The following BPTF variants were observed in gnomAD, a reference collection of about 807,000 sequenced individuals.
BPTF encodes the protein bromodomain PHD finger transcription factor.
A neutral mutation model predicts 292.5 loss-of-function variants in BPTF; 18 were observed. The observed-to-expected ratio is 0.06, with a 90% CI of 0.04 to 0.09. The LOEUF is 0.09. Ranked by LOEUF, BPTF falls within the 10% of genes least tolerant of loss-of-function variation. BPTF has a pLI of 1.00. For missense variants in BPTF, 2,726 were observed against 3,498.7 expected, an observed-to-expected ratio of 0.78 and a Z score of 5.57; for synonymous variants, 1,225 against 1,251.9, an observed-to-expected ratio of 0.98 and a Z score of 0.45.
Position 67,954,073 on chromosome 17 carries a change from A to G in BPTF, c.7927-5468A>G, listed in dbSNP as rs552180636. Among the ~76,000 whole-genome samples, 21 of 132,856 alleles carry G rather than the reference A, an allele frequency of 1.6e-4. No individual in the cohort carries two copies. The South Asian group carries it at 4.4e-3, about 28-fold the overall frequency. The allele number at this position is 132,856 out of a possible 152,430, so 87.2% of individuals were successfully genotyped here. A position where few individuals can be genotyped will look rare whatever the true frequency, so the allele number is the denominator to read the frequency against. ...GCAATCACAGCACACCACAGCTTCC[A>G]CCTACCCAGATCAGTCAGTCCTTCC... On this transcript the variant is annotated intron_variant, in intron 23 of 27. Transcript: ENST00000306378.
intron 12 of BPTF, among the ~76,000 whole-genome samples, chr17:67,919,216 AAT>A (rs200255198): frequency 0.035 from 4,729 of 133,978 alleles, 242 homozygotes; most frequent in African/African-American, 0.13. Flanking sequence ...TAATAATAAT[AAT>A]AAAATATAAT....
intron 23 of BPTF, among the ~76,000 whole-genome samples, chr17:67,949,680 C>T (rs67389128): frequency 1.3e-5 from 2 of 151,130 alleles, no homozygotes; most frequent in African/African-American, 4.9e-5. Flanking sequence ...TATATACACA[C>T]AGACATACAT....
chr17:67,938,257 A>G (rs752551454), intron 18 of BPTF, among the ~76,000 whole-genome samples: 1 of 152,206 alleles, frequency 6.6e-6, no homozygotes, highest in African/African-American at 2.4e-5. Flanking sequence ...ATGGCAATGT[A>G]TCTGTACCAG....
intron 9 of BPTF, among the ~76,000 whole-genome samples, chr17:67,909,270 C>A (rs1209121403): frequency 1.2e-5 from 1 of 82,130 alleles, no homozygotes; most frequent in Non-Finnish European, 2.6e-5. Flanking sequence ...GCACCAGGTC[C>A]CCCCCCCCCT....
chr17:67,879,465 T>G (rs1350044006), intron 4 of BPTF, among the ~76,000 whole-genome samples: 4 of 152,178 alleles, frequency 2.6e-5, no homozygotes, highest in African/African-American at 9.7e-5. Flanking sequence ...TCTTAAATGT[T>G]TGCTGGAGTG....
intron 23 of BPTF, among the ~76,000 whole-genome samples, chr17:67,952,107 G>GAAA (rs1483942250): frequency 1.3e-5 from 2 of 148,220 alleles, no homozygotes; most frequent in Admixed American, 1.4e-4. Context: ...CTTTGAGTTT[G>GAAA]AGACCAGCCT....
chr17:67,954,009 C>T (rs1167627620), intron 23 of BPTF, among the ~76,000 whole-genome samples: 14 of 60,650 alleles, frequency 2.3e-4, no homozygotes, highest in Non-Finnish European at 3.2e-4. Flanking sequence ...TTTTGAGAAG[C>T]AGGGCCTTGT....
chr17:67,904,961 A>G, intron 9 of BPTF, 121 bp downstream of exon 9: 1 of 723,938 alleles, frequency 1.4e-6, no homozygotes, highest in East Asian at 3.0e-5. Flanking sequence ...TTCGTACTGC[A>G]GAATTACTAG....
chr17:67,942,668 G>A (rs1317040033), intron 19 of BPTF, among the ~76,000 whole-genome samples: 1 of 152,084 alleles, frequency 6.6e-6, no homozygotes, highest in Non-Finnish European at 1.5e-5. Flanking sequence ...CAGAATACAT[G>A]GCATAAATAT....
intron 11 of BPTF, among the ~76,000 whole-genome samples, chr17:67,917,065 A>G (rs558367954): frequency 2.0e-5 from 3 of 151,692 alleles, no homozygotes; most frequent in Non-Finnish European, 2.9e-5. Context: ...TCCACACACA[A>G]TGTTTAGAAA....
intron 8 of BPTF, among the ~76,000 whole-genome samples, chr17:67,904,311 T>TA (rs2062037232): frequency 6.6e-6 from 1 of 152,386 alleles, no homozygotes; most frequent in South Asian, 2.1e-4. Flanking sequence ...ATTACAGGCA[T>TA]GAGCCACTGC....
chr17:67,837,316 A>T (rs549536305), intron 1 of BPTF, among the ~76,000 whole-genome samples: 15 of 152,038 alleles, frequency 9.9e-5, no homozygotes, highest in African/African-American at 3.1e-4. Flanking sequence ...CTGGGATTGG[A>T]TTGTTGCATT....
chr17:67,967,776 G>A (rs943606372), intron 26 of BPTF, among the ~76,000 whole-genome samples: 11 of 145,554 alleles, frequency 7.6e-5, no homozygotes, highest in East Asian at 1.9e-4. Flanking sequence ...CTGAGATCAC[G>A]CCACTGCATT....
Position 67,940,434 on chromosome 17 carries a change from G to A in BPTF, c.6260-5G>A. The A allele has an allele frequency of 6.2e-7, 1 of 1,613,720 alleles. No homozygotes were observed. The highest frequency in any genetic ancestry group is 1.3e-5 in the African/African-American group (1 of 75,002). On this transcript the variant is annotated splice_region_variant and splice_polypyrimidine_tract_variant and intron_variant, in intron 18 of 27. Transcript: ENST00000306378. ...AGCATTCATAATGTTTTGCTGTTTGGGTAGGTGCTCCTCAGCAAGTGATGA... is the reference window on the plus strand; with the variant it reads ...AGCATTCATAATGTTTTGCTGTTTGAGTAGGTGCTCCTCAGCAAGTGATGA...
chr17:67,849,795 G>T (rs1372176724), intron 1 of BPTF, among the ~76,000 whole-genome samples: 1 of 152,082 alleles, frequency 6.6e-6, no homozygotes, highest in Non-Finnish European at 1.5e-5. Context: ...AAAAAAATTA[G>T]CCGGGCATGG....
chr17:67,931,796 C>A, intron 17 of BPTF, 115 bp from the exon 18 acceptor site: 1 of 674,244 alleles, frequency 1.5e-6, no homozygotes, highest in Non-Finnish European at 2.4e-6. Context: ...GAGCCCCTGT[C>A]ATTCCTGTAA....
At chr17:67,837,413 GT>G (rs57947185) in intron 1 of BPTF, among the ~76,000 whole-genome samples, 35 of 143,750 alleles carry the variant, frequency 2.4e-4, no homozygotes, top group South Asian at 4.4e-4. Context: ...TATGTGTTTT[GT>G]TTTTTTTTTT....
intron 2 of BPTF, among the ~76,000 whole-genome samples, 171 bp from the exon 3 acceptor site, chr17:67,866,293 T>C (rs924019598): frequency 3.9e-5 from 6 of 152,180 alleles, no homozygotes; most frequent in Admixed American, 2.6e-4. Flanking sequence ...TTTTTAGATA[T>C]CATTTCTCAG....
rs189533820 is a variant in BPTF at position 67,981,712 on chromosome 17, C to T, written c.8727-540C>T. On this transcript the variant is annotated intron_variant, in intron 27 of 27. Transcript: ENST00000306378. ...CTTTGACTTAGTCCTGGTAACTGTACAGTAATTTGGTTTACTAATGAAAGT... is the reference window on the plus strand; with the variant it reads ...CTTTGACTTAGTCCTGGTAACTGTATAGTAATTTGGTTTACTAATGAAAGT... 11 of 985,256 alleles carry T rather than the reference C, an allele frequency of 1.1e-5. No homozygotes were observed. The Admixed American group carries it at 3.1e-4, about 28-fold the overall frequency. 61.0% of individuals were successfully genotyped at this position (985,256 alleles called of 1,614,324 possible).
Sources: allele counts gnomAD v4.1 joint callset (sites outside exome capture counted in the v4.1 genomes callset), GRCh38; gene constraint gnomAD v4.1.1; transcripts MANE v1.5; gene names NCBI Gene and HGNC (gene_info 2026-07-23, HGNC 2026-07-21).